The following GLIS2 variants were observed in gnomAD, a reference collection of about 807,000 sequenced individuals.
GLIS2 encodes GLIS family zinc finger 2, also known as zinc finger protein GLIS2.
In GLIS2, 14 loss-of-function variants were observed where a neutral mutation model predicts 35.6. The ratio of observed to expected loss-of-function variants is 0.39; its 90% CI spans 0.26 to 0.61. The LOEUF is 0.61. Among genes scored for constraint, GLIS2 ranks in the 20% least tolerant of loss-of-function variants. The pLI is 0.48. For synonymous variants in GLIS2, 368 were observed against 325.1 expected, an observed-to-expected ratio of 1.13 and a Z score of -1.42; for missense variants, 675 against 713.4, an observed-to-expected ratio of 0.95 and a Z score of 0.61.
Position 4,337,236 on chromosome 16 carries a change from T to C in GLIS2, c.1287T>C (p.Pro429=). Residue 429 remains proline, a synonymous_variant, in exon 7 of 7, where the codon CCT becomes CCC. Transcript: ENST00000433375. ...SPFGAGGLGL[P]VVSLLAGAAG... ...TTGGGGCTGGCGGACTGGGCTTGCC[T>C]GTGGTCTCCCTCCTTGCTGGCGCAG... is the stretch of plus-strand genomic sequence containing the variant. 1 of 1,547,906 alleles carries C rather than the reference T, an allele frequency of 6.5e-7. No individual in the cohort carries two copies. Among genetic ancestry groups the C allele is most frequent in the Non-Finnish European group, 8.7e-7 (1 of 1,147,114 alleles).
At chr16:4,336,643 CG>C in intron 6 of GLIS2, 81 bp from the exon 7 acceptor site, 1 of 1,393,016 alleles carries the variant, frequency 7.2e-7, no homozygotes, top group Non-Finnish European at 1.0e-6. Flanking sequence ...GTGCTTGGCC[CG>C]GGGAAATGTT....
chr16:4,334,835 C>T lies in GLIS2; in HGVS notation c.380C>T (p.Pro127Leu). ...CCACTGCGCTATTTGGATGGTGTCC[C>T]CAGCTCCTTCCAGTTCTTCCTGCCC... ...FQPLRYLDGV[P>L]SSFQFFLPLG... Residue 127 changes from proline (P) to leucine (L), a missense_variant, in exon 4 of 7, where the codon CCC (proline) becomes CTC (leucine). Around this residue, in one of 3 missense-constraint regions of GLIS2, gnomAD observed 225 missense variants for 238.7 expected, o/e 0.94. Transcript: ENST00000433375. 1.2e-6 allele frequency: 2 copies of T among 1,613,458 alleles called. No individual in the cohort carries two copies. Among genetic ancestry groups the T allele is most frequent in the Non-Finnish European group, 1.7e-6 (2 of 1,179,998 alleles).
intron 1 of GLIS2, among the ~76,000 whole-genome samples, chr16:4,318,727 C>T (rs370725616): frequency 4.6e-5 from 7 of 152,358 alleles, no homozygotes; most frequent in South Asian, 2.1e-4. Flanking sequence ...GCCTTGGCCC[C>T]GGGCGGTGGG....
intron 3 of GLIS2, 31 bp from the exon 4 acceptor site, chr16:4,334,770 G>T: frequency 6.2e-7 from 1 of 1,612,364 alleles, no homozygotes. Context: ...GGGCCAGCAG[G>T]ACCTTGACTA....
chr16:4,337,242 C>T lies in GLIS2; in HGVS notation c.1293C>T (p.Val431=). 2 of 1,548,132 alleles carry T rather than the reference C, an allele frequency of 1.3e-6. No individual in the cohort carries two copies. Among genetic ancestry groups the T allele is most frequent in the Non-Finnish European group, 8.7e-7 (1 of 1,147,232 alleles). Residue 431 remains valine (V), a synonymous_variant, in exon 7 of 7, where the codon GTC becomes GTT. Transcript: ENST00000433375. ...FGAGGLGLPV[V]SLLAGAAGGK... ...CTGGCGGACTGGGCTTGCCTGTGGT[C>T]TCCCTCCTTGCTGGCGCAGCTGGTG...
Position 4,337,247 on chromosome 16 carries a change from T to C in GLIS2, c.1298T>C (p.Leu433Pro). 6.5e-7 allele frequency: 1 copy of C among 1,548,258 alleles called. No individual in the cohort carries two copies. ...GGACTGGGCTTGCCTGTGGTCTCCCTCCTTGCTGGCGCAGCTGGTGGCAAG... is the reference window on the plus strand; with the variant it reads ...GGACTGGGCTTGCCTGTGGTCTCCCCCCTTGCTGGCGCAGCTGGTGGCAAG... Reference protein sequence around the residue: ...AGGLGLPVVSLLAGAAGGKAE... With the variant: ...AGGLGLPVVSPLAGAAGGKAE... Residue 433 changes from leucine to proline, a missense_variant, in exon 7 of 7, where the codon CTC becomes CCC. Around this residue, in one of 3 missense-constraint regions of GLIS2, gnomAD observed 317 missense variants for 283.2 expected, o/e 1.12. Coordinates refer to ENST00000433375, the MANE Select transcript of GLIS2 (RefSeq NM_032575.3).
In GLIS2 at chr16:4,337,296, G is replaced by C. The variant is rs757861603; in HGVS notation, c.1347G>C (p.Gly449=). Residue 449 remains glycine (G), a synonymous_variant, in exon 7 of 7, where the codon GGG becomes GGC. Coordinates refer to ENST00000433375, the MANE Select transcript of GLIS2 (RefSeq NM_032575.3). The stretch of plus-strand genomic sequence containing the variant: ...AGGCCGAGGGGGAGAAGGGGCGTGG[G>C]TCGGTGCCCACCAGGGCCCTGGGCA... ...GGKAEGEKGR[G]SVPTRALGME... 16 of 1,557,688 alleles carry C rather than the reference G, an allele frequency of 1.0e-5. No individual in the cohort carries two copies. Among genetic ancestry groups the C allele is most frequent in the Middle Eastern group, 1.7e-4 (1 of 5,952 alleles).
Position 4,332,331 on chromosome 16 carries a change from C to G in GLIS2, c.51C>G (p.Leu17=), listed in dbSNP as rs768358355. 79 of 1,613,136 alleles carry G rather than the reference C, an allele frequency of 4.9e-5. No homozygotes were observed. Among genetic ancestry groups the G allele is most frequent in the Non-Finnish European group, 6.2e-5 (73 of 1,180,022 alleles). Reference sequence around the variant, plus strand: ...ACCTGAAGCTGAGTATCACCAAGCTCCGGGCGGCAAGAGAGAAGCGGGAGA... The same window carrying G: ...ACCTGAAGCTGAGTATCACCAAGCTGCGGGCGGCAAGAGAGAAGCGGGAGA... ...PLDLKLSITK[L]RAAREKRERT... Residue 17 remains leucine (L), a synonymous_variant, in exon 2 of 7, where the codon CTC becomes CTG. Coordinates refer to ENST00000433375, the MANE Select transcript of GLIS2 (RefSeq NM_032575.3). The surrounding 1 kb of genome is among the most constrained non-coding windows in gnomAD (Gnocchi z 5.4).
In GLIS2 at chr16:4,335,334, C is replaced by T. The variant is rs1248104828; in HGVS notation, c.716C>T (p.Thr239Ile). 1.9e-6 allele frequency: 3 copies of T among 1,613,740 alleles called. No individual in the cohort carries two copies. The highest frequency in any genetic ancestry group is 2.7e-5 in the African/African-American group (2 of 74,928). ...HTNEKPHRCP[T>I]CSKSFSRLEN... is the part of the protein sequence containing the mutation. ...AACGAGAAGCCACACCGCTGTCCGA[C>T]CTGCAGCAAGAGCTTCTCCCGCCTG... Residue 239 changes from threonine (T) to isoleucine (I), a missense_variant, in exon 6 of 7, where the codon ACC becomes ATC. Transcript: ENST00000433375. The surrounding 1 kb of genome is among the most constrained non-coding windows in gnomAD (Gnocchi z 4.6).
chr16:4,322,971 C>T (rs886233096), intron 1 of GLIS2, among the ~76,000 whole-genome samples: 1 of 152,216 alleles, frequency 6.6e-6, no homozygotes, highest in Non-Finnish European at 1.5e-5. Context: ...CCCTGCTCTC[C>T]CCCAGAAGCC....
chr16:4,318,189 G>A (rs1288584841), intron 1 of GLIS2, among the ~76,000 whole-genome samples: 6 of 152,150 alleles, frequency 3.9e-5, no homozygotes, highest in Admixed American at 6.5e-5. Context: ...GAGGGTGACC[G>A]GGGAAAGCCC....
chr16:4,324,965 C>T (rs897074741), intron 1 of GLIS2, among the ~76,000 whole-genome samples: 7 of 152,226 alleles, frequency 4.6e-5, no homozygotes, highest in Non-Finnish European at 7.3e-5. Context: ...CCAGCAGGCC[C>T]TGCCCCTGCC....
At chr16:4,323,377 A>C (rs1034371581) in intron 1 of GLIS2, among the ~76,000 whole-genome samples, 1 of 152,108 alleles carries the variant, frequency 6.6e-6, no homozygotes, top group African/African-American at 2.4e-5. Context: ...GGCGGTGATC[A>C]TAGCTCCAAG....
chr16:4,335,436 C>T lies in GLIS2; in HGVS notation c.775+43C>T, dbSNP rs1567223965. 1 of 1,572,356 alleles carries T rather than the reference C, an allele frequency of 6.4e-7. No homozygotes were observed. The highest frequency in any genetic ancestry group is 1.1e-5 in the South Asian group (1 of 90,210). On this transcript the variant is annotated intron_variant, in intron 6 of 6. Coordinates refer to ENST00000433375, the MANE Select transcript of GLIS2 (RefSeq NM_032575.3). This position sits in a 1 kb window ranked among gnomAD's most constrained non-coding sequence, Gnocchi z 4.6. ...GGCGGCTTGGCCCATGAAGGGGGCGCTCAGCTGAGACCGGCTGGGCAGGTC... is the reference window on the plus strand; with the variant it reads ...GGCGGCTTGGCCCATGAAGGGGGCGTTCAGCTGAGACCGGCTGGGCAGGTC...
intron 3 of GLIS2, among the ~76,000 whole-genome samples, 194 bp downstream of exon 3, chr16:4,333,713 A>G (rs2053521330): frequency 6.6e-6 from 1 of 152,134 alleles, no homozygotes; most frequent in South Asian, 2.1e-4. Flanking sequence ...GCTTCTGGAA[A>G]TGCCTGGCAC....
intron 2 of GLIS2, 105 bp from the exon 3 acceptor site, chr16:4,333,242 G>T: frequency 7.8e-7 from 1 of 1,282,402 alleles, no homozygotes; most frequent in Non-Finnish European, 1.1e-6. Flanking sequence ...CTGGGGGCAT[G>T]GCTGGTGTCT....
chr16:4,335,174 G>C lies in GLIS2; in HGVS notation c.637G>C (p.Gly213Arg), dbSNP rs2053536970. Residue 213 changes from glycine to arginine, a missense_variant, in exon 5 of 7, where the codon GGC becomes CGC. Around this residue, in one of 3 missense-constraint regions of GLIS2, gnomAD observed 133 missense variants for 191.4 expected, o/e 0.69. Coordinates refer to ENST00000433375, the MANE Select transcript of GLIS2 (RefSeq NM_032575.3). The surrounding 1 kb of genome is among the most constrained non-coding windows in gnomAD (Gnocchi z 4.6). Reference protein sequence around the residue: ...CCHWEGCARHGRGFNARYKML... With the variant: ...CCHWEGCARHRRGFNARYKML... ...CCACTGGGAGGGCTGCGCCCGCCAT[G>C]GCCGAGGTTTCAACGCCAGGTGAGG... The C allele has an allele frequency of 3.7e-6, 6 of 1,613,530 alleles. No homozygotes were observed. The highest frequency in any genetic ancestry group is 5.1e-6 in the Non-Finnish European group (6 of 1,180,040).
rs1261132633 is a variant in GLIS2 at position 4,338,534 on chromosome 16, A to T, written c.*1010A>T. ...CACAGCTCCTGGTCTGGGGGCTCCAAGTGACAGCATGCAGGGGAGGGGGCT... is the reference window on the plus strand; with the variant it reads ...CACAGCTCCTGGTCTGGGGGCTCCATGTGACAGCATGCAGGGGAGGGGGCT... On this transcript the variant is annotated 3_prime_UTR_variant, in exon 7 of 7. Transcript: ENST00000433375. 1 of 152,536 alleles carries T rather than the reference A, an allele frequency of 6.6e-6. No homozygotes were observed. The highest frequency in any genetic ancestry group is 1.5e-5 in the Non-Finnish European group (1 of 68,278). 9.4% of individuals were successfully genotyped at this position (152,536 alleles called of 1,614,324 possible). A position where few individuals can be genotyped will look rare whatever the true frequency, so the allele number is the denominator to read the frequency against.
In GLIS2 at chr16:4,336,921, G is replaced by A; in HGVS notation, c.972G>A (p.Glu324=). The A allele has an allele frequency of 1.2e-6, 2 of 1,612,780 alleles. No homozygotes were observed. The highest frequency in any genetic ancestry group is 3.3e-4 in the Middle Eastern group (2 of 6,062). Residue 324 remains glutamate, a synonymous_variant, in exon 7 of 7, where the codon GAG becomes GAA. Transcript: ENST00000433375. ...IKAHGHFVSH[E]QQELLQLRPP... is the part of the protein sequence containing the mutation. ...CCCATGGCCACTTTGTGTCCCACGA[G>A]CAGCAAGAGCTCCTGCAGCTGCGCC... is the stretch of plus-strand genomic sequence containing the variant.
Sources: gnomAD v4.1 joint callset for allele counts (sites outside exome capture counted in the v4.1 genomes callset) on GRCh38, gnomAD v4.1.1 for gene constraint, gnomAD v4.1.1 regional missense constraint, Gnocchi (gnomAD v3.1) non-coding constraint, MANE v1.5 for transcripts, NCBI Gene and HGNC (gene_info 2026-07-23, HGNC 2026-07-21) for gene names.